The following DSC2 variants were observed in gnomAD, a reference collection of about 807,000 sequenced individuals.
DSC2 encodes desmocollin 2.
Under a neutral mutation model 87.6 loss-of-function variants are expected in DSC2, and 51 were observed. The ratio of observed to expected loss-of-function variants is 0.58; its 90% CI spans 0.46 to 0.74. The LOEUF is 0.74. DSC2 is among the 30% of genes least tolerant of loss of function. The probability of loss-of-function intolerance (pLI) is 0.00; values close to 1 mark genes in which losing one functional copy is unlikely to be tolerated. For missense variants in DSC2, 1,066 were observed against 1,089.5 expected (o/e 0.98, Z 0.30); for synonymous variants, 383 against 393.2 (o/e 0.97, Z 0.31).
In DSC2 at chr18:31,087,694, A is replaced by G. The variant is rs781667894; in HGVS notation, c.750T>C (p.Phe250=). Residue 250 remains phenylalanine, a synonymous_variant, in exon 6 of 16, where the codon TTT becomes TTC. Transcript: ENST00000280904. The stretch of plus-strand genomic sequence containing the variant: ...CCACTCTGCAATTTTCAAAAATTGT[A>G]AAAGTATAAGTTTCTTCTGTAAAAA... ...YPIFTEETYT[F]TIFENCRVGT... 8.1e-6 allele frequency: 13 copies of G among 1,613,124 alleles called. No individual in the cohort carries two copies. In the East Asian group the frequency reaches 2.9e-4, roughly 36 times the overall value.
Position 31,066,145 on chromosome 18 carries a change from A to G in DSC2, c.*1870T>C, listed in dbSNP as rs1986611483. On this transcript the variant is annotated 3_prime_UTR_variant, in exon 16 of 16. Transcript: ENST00000280904. ...GATGAAAATGGACAAAGCAAAAGCA[A>G]GCAACTTAACCAATACCCCATGGCC... is the stretch of plus-strand genomic sequence containing the variant. 6.6e-6 allele frequency: 1 copy of G among 152,202 alleles called. No individual in the cohort carries two copies. The highest frequency in any genetic ancestry group is 1.9e-4 in the East Asian group (1 of 5,190). 9.4% of individuals were successfully genotyped at this position (152,202 alleles called of 1,614,324 possible). A position where few individuals can be genotyped will look rare whatever the true frequency, so the allele number is the denominator to read the frequency against.
Position 31,066,478 on chromosome 18 carries a change from G to C in DSC2, c.*1537C>G, listed in dbSNP as rs1986622748. 1 of 152,092 alleles carries C rather than the reference G, an allele frequency of 6.6e-6. No homozygotes were observed. The allele number at this position is 152,092 out of a possible 1,614,324, so 9.4% of individuals were successfully genotyped here. The stretch of plus-strand genomic sequence containing the variant: ...TTGCCTGATCAGCAATAAAACTACT[G>C]ATAAGATAAGCTGGTTATCAAATAA... On this transcript the variant is annotated 3_prime_UTR_variant, in exon 16 of 16. Transcript: ENST00000280904.
intron 7 of DSC2, among the ~76,000 whole-genome samples, chr18:31,084,261 C>T (rs1172479616): frequency 6.6e-6 from 1 of 152,118 alleles, no homozygotes; most frequent in Non-Finnish European, 1.5e-5. Flanking sequence ...TAACCAATCA[C>T]ATGTGTAGAC....
Position 31,066,385 on chromosome 18 carries a change from T to G in DSC2, c.*1630A>C, listed in dbSNP as rs1986619499. ...AGTTTTAAAAACTGCTTAATTTACT[T>G]TATCATGACTAGTAATATATAAGAA... On this transcript the variant is annotated 3_prime_UTR_variant, in exon 16 of 16. Coordinates refer to ENST00000280904, the MANE Select transcript of DSC2 (RefSeq NM_024422.6). 1 of 152,118 alleles carries G rather than the reference T, an allele frequency of 6.6e-6. No individual in the cohort carries two copies. The highest frequency in any genetic ancestry group is 1.5e-5 in the Non-Finnish European group (1 of 67,998). 9.4% of individuals were successfully genotyped at this position (152,118 alleles called of 1,614,324 possible). A position where few individuals can be genotyped will look rare whatever the true frequency, so the allele number is the denominator to read the frequency against.
intron 7 of DSC2, among the ~76,000 whole-genome samples, chr18:31,084,868 G>A (rs1373902820): frequency 1.3e-5 from 2 of 152,076 alleles, no homozygotes; most frequent in Non-Finnish European, 1.5e-5. Flanking sequence ...GATATCAATG[G>A]AAGTAAAGAG....
intron 2 of DSC2, 144 bp from the exon 3 acceptor site, chr18:31,092,444 T>C (rs1350207386): frequency 1.4e-6 from 1 of 691,678 alleles, no homozygotes; most frequent in Non-Finnish European, 2.6e-6. Context: ...CATAAAACTA[T>C]ATGGTGAATT....
Position 31,064,606 on chromosome 18 carries a change from T to G in DSC2, c.*3409A>C, listed in dbSNP as rs1204414312. 1 of 152,112 alleles carries G rather than the reference T, an allele frequency of 6.6e-6. No homozygotes were observed. The highest frequency in any genetic ancestry group is 1.5e-5 in the Non-Finnish European group (1 of 68,030). 9.4% of individuals were successfully genotyped at this position (152,112 alleles called of 1,614,324 possible). ...GAGAACCTGATTTGATGTGGTAGTA[T>G]GTGTTTGTCTTTTTGCATGAGTTTG... On this transcript the variant is annotated 3_prime_UTR_variant, in exon 16 of 16. Coordinates refer to ENST00000280904, the MANE Select transcript of DSC2 (RefSeq NM_024422.6).
chr18:31,079,823 G>T, intron 11 of DSC2, 24 bp downstream of exon 11: 1 of 1,613,644 alleles, frequency 6.2e-7, no homozygotes, highest in Non-Finnish European at 8.5e-7. Context: ...GAAGTATGTA[G>T]CTGGCTTAAA....
chr18:31,075,781 C>A (rs540397448), intron 11 of DSC2, among the ~76,000 whole-genome samples: 2 of 151,952 alleles, frequency 1.3e-5, no homozygotes, highest in South Asian at 4.2e-4. Context: ...ACCCGGGAGG[C>A]GGAGGTTGCA....
In DSC2 at chr18:31,082,400, A is replaced by AT; in HGVS notation, c.1100dup (p.Asn367LysfsTer4). 1 of 1,613,576 alleles carries AT rather than the reference A, an allele frequency of 6.2e-7. No homozygotes were observed. The highest frequency in any genetic ancestry group is 8.5e-7 in the Non-Finnish European group (1 of 1,179,966). ...CTCGTAAGATTTCCACATCAACTGT[A>AT]TTTTCTTCCACTGATGTCACATACT... On this transcript the variant is annotated frameshift_variant, in exon 9 of 16. Coordinates refer to ENST00000280904, the MANE Select transcript of DSC2 (RefSeq NM_024422.6). LOFTEE classifies it high-confidence loss of function.
chr18:31,088,081 T>C (rs914808448), intron 5 of DSC2, among the ~76,000 whole-genome samples: 1 of 152,236 alleles, frequency 6.6e-6, no homozygotes, highest in Middle Eastern at 3.2e-3. Flanking sequence ...CTGTTATTCA[T>C]GAGTGTAACA....
intron 1 of DSC2, among the ~76,000 whole-genome samples, chr18:31,096,165 G>GA (rs1460125573): frequency 6.6e-6 from 1 of 152,192 alleles, no homozygotes; most frequent in African/African-American, 2.4e-5. Flanking sequence ...GTGGAGAATG[G>GA]AAAAAACTGT....
chr18:31,066,702 A>G lies in DSC2; in HGVS notation c.*1313T>C, dbSNP rs1478404274. The G allele has an allele frequency of 1.3e-5, 2 of 152,150 alleles. No homozygotes were observed. Among genetic ancestry groups the G allele is most frequent in the Non-Finnish European group, 2.9e-5 (2 of 67,986 alleles). The allele number at this position is 152,150 out of a possible 1,614,324, so 9.4% of individuals were successfully genotyped here. A position where few individuals can be genotyped will look rare whatever the true frequency, so the allele number is the denominator to read the frequency against. On this transcript the variant is annotated 3_prime_UTR_variant, in exon 16 of 16. Coordinates refer to ENST00000280904, the MANE Select transcript of DSC2 (RefSeq NM_024422.6). ...GAGCTATTAAGTTTCATTTTGTTTT[A>G]CTGTTTTAAAATTTAAATAGTTTGG...
chr18:31,074,202 C>T lies in DSC2; in HGVS notation c.1888+481G>A, dbSNP rs118139836. 3.9e-5 allele frequency among the ~76,000 whole-genome samples: 6 copies of T among 152,294 alleles called. No individual in the cohort carries two copies. In the East Asian group the frequency reaches 1.2e-3, roughly 29 times the overall value. The stretch of plus-strand genomic sequence containing the variant: ...CTTTTTGCCCAATCCTACTTCTCCT[C>T]CTTTCAAAGCTACTGATCCCAAGCA... On this transcript the variant is annotated intron_variant, in intron 12 of 15. Coordinates refer to ENST00000280904, the MANE Select transcript of DSC2 (RefSeq NM_024422.6).
At position 31,068,974 on chromosome 18, in the gene DSC2, T is replaced by G; in HGVS notation, c.2428A>C (p.Arg810=). The G allele has an allele frequency of 1.2e-6, 2 of 1,614,090 alleles. No homozygotes were observed. Among genetic ancestry groups the G allele is most frequent in the Non-Finnish European group, 1.7e-6 (2 of 1,179,996 alleles). The change falls in exon 15 of 16, where the codon AGG becomes CGG. Residue 810 remains arginine (R), a synonymous_variant. Coordinates refer to ENST00000280904, the MANE Select transcript of DSC2 (RefSeq NM_024422.6). ...AGHHHTLDSC[R]GGHTEVDNCR... is the part of the protein sequence containing the mutation. ...TTGTCCACCTCCGTGTGTCCTCCCCTGCAGGAGTCCAGGGTGTGATGGTGG... is the reference window on the plus strand; with the variant it reads ...TTGTCCACCTCCGTGTGTCCTCCCCGGCAGGAGTCCAGGGTGTGATGGTGG...
At chr18:31,078,121 A>G (rs574244822) in intron 11 of DSC2, among the ~76,000 whole-genome samples, 1 of 152,330 alleles carries the variant, frequency 6.6e-6, no homozygotes, top group South Asian at 2.1e-4. Context: ...CCAAGACAGC[A>G]GTATCCATGA....
At chr18:31,078,996 A>C (rs1228678082) in intron 11 of DSC2, among the ~76,000 whole-genome samples, 2 of 152,088 alleles carry the variant, frequency 1.3e-5, no homozygotes, top group African/African-American at 4.8e-5. Flanking sequence ...TAATTTTATA[A>C]TATACTATTT....
intron 1 of DSC2, among the ~76,000 whole-genome samples, chr18:31,095,227 T>C (rs969366189): frequency 3.3e-5 from 5 of 152,076 alleles, no homozygotes; most frequent in Admixed American, 3.3e-4. Flanking sequence ...GTAAAGACCC[T>C]GGAAGGAGAC....
intron 1 of DSC2, among the ~76,000 whole-genome samples, chr18:31,096,374 A>G (rs1214838155): frequency 6.6e-6 from 1 of 152,224 alleles, no homozygotes; most frequent in Admixed American, 6.5e-5. Flanking sequence ...ATCTGCAAAG[A>G]TTTGACTCTG....
Sources: gnomAD v4.1 joint callset for allele counts (sites outside exome capture counted in the v4.1 genomes callset) on GRCh38, gnomAD v4.1.1 for gene constraint, MANE v1.5 for transcripts, NCBI Gene and HGNC (gene_info 2026-07-23, HGNC 2026-07-21) for gene names.